MAPRE2: variants seen among roughly 807,000 people sequenced by gnomAD.
MAPRE2 encodes the protein microtubule associated protein RP/EB family member 2, also known as microtubule-associated protein RP/EB family member 2.
Under a neutral mutation model 43.2 loss-of-function variants are expected in MAPRE2, and 13 were observed. That is an observed-to-expected ratio of 0.30 (90% CI 0.20 to 0.48). The LOEUF (loss-of-function observed/expected upper bound fraction) is 0.48. MAPRE2 is among the 20% of genes least tolerant of loss of function. The pLI is 0.99. For synonymous variants in MAPRE2, 135 were observed against 148.8 expected (o/e 0.91, Z 0.68); for missense variants, 161 against 400.2 (o/e 0.40, Z 5.10).
chr18:35,041,283 G>C, upstream of MAPRE2: 1 of 1,375,184 alleles, frequency 7.3e-7, no homozygotes, highest in Non-Finnish European at 9.4e-7. Flanking sequence ...TGCGAATTGA[G>C]GCGAGGTGAT....
intron 1 of MAPRE2, among the ~76,000 whole-genome samples, chr18:35,044,857 G>A (rs1483067396): frequency 6.6e-6 from 1 of 152,192 alleles, no homozygotes; most frequent in Non-Finnish European, 1.5e-5. Flanking sequence ...TTGTTCATAA[G>A]TATGTCAAAT....
At position 35,016,941 on chromosome 18, in the gene MAPRE2, T is replaced by G. The variant is rs538688907; in HGVS notation, c.-8+11388T>G. Among the ~76,000 whole-genome samples the G allele has an allele frequency of 3.3e-5, 5 of 152,202 alleles. No homozygotes were observed. In the East Asian group the frequency reaches 7.7e-4, roughly 23 times the overall value. On this transcript the variant is annotated intron_variant, in intron 2 of 7. Coordinates refer to the MAPRE2 transcript ENST00000413393. ...CTAGGATTCTTACAAAGTCTTCACT[T>G]AAATCTTTAATCCATCTTGAGTTAA...
At chr18:35,125,763 A>G (rs1191357972) in intron 4 of MAPRE2, among the ~76,000 whole-genome samples, 1 of 152,122 alleles carries the variant, frequency 6.6e-6, no homozygotes, top group African/African-American at 2.4e-5. Flanking sequence ...TGTTCTAGGT[A>G]GTGAGAGTCT....
At chr18:35,035,026 G>T (rs1323843442) in intron 2 of MAPRE2, among the ~76,000 whole-genome samples, 4 of 151,850 alleles carry the variant, frequency 2.6e-5, no homozygotes, top group Admixed American at 2.0e-4. Context: ...ATACCCAAAG[G>T]ACTATAAATC....
rs372909058 is a variant in MAPRE2 at position 35,138,857 on chromosome 18, A to C, written c.910-1438A>C. Reference sequence around the variant, plus strand: ...GTCCATGTTGTAACCTTGACATTCTACTTACTGCCTCTCAGAAAATAAGTG... The same window carrying C: ...GTCCATGTTGTAACCTTGACATTCTCCTTACTGCCTCTCAGAAAATAAGTG... On this transcript the variant is annotated intron_variant, in intron 6 of 6. Transcript: ENST00000300249. Among the ~76,000 whole-genome samples, 13 of 152,260 alleles carry C rather than the reference A, an allele frequency of 8.5e-5. 1 individual carries two copies. The highest frequency in any genetic ancestry group is 3.9e-4 in the Admixed American group (6 of 15,298).
At chr18:35,015,925 T>C (rs1261365099) in intron 2 of MAPRE2, among the ~76,000 whole-genome samples, 1 of 151,992 alleles carries the variant, frequency 6.6e-6, no homozygotes, top group Non-Finnish European at 1.5e-5. Context: ...CTAAGAAAAG[T>C]ACCCAATAAT....
intron 1 of MAPRE2, among the ~76,000 whole-genome samples, chr18:35,062,160 G>GC (rs915276102): frequency 6.6e-6 from 1 of 150,682 alleles, no homozygotes; most frequent in African/African-American, 2.5e-5. Context: ...AAAGACGTTT[G>GC]GGGGGATGTC....
intron 1 of MAPRE2, among the ~76,000 whole-genome samples, chr18:35,056,316 A>C (rs1165579025): frequency 6.6e-6 from 1 of 152,174 alleles, no homozygotes; most frequent in Non-Finnish European, 1.5e-5. Flanking sequence ...TATTATGCTT[A>C]TTATTATAAC....
intron 4 of MAPRE2, among the ~76,000 whole-genome samples, chr18:35,112,225 C>T (rs1408050329): frequency 4.0e-5 from 6 of 151,076 alleles, no homozygotes; most frequent in Middle Eastern, 3.4e-3. Context: ...CTGTTATTGC[C>T]CAGGCTGGAG....
At chr18:35,089,946 G>T (rs1263478387) in intron 2 of MAPRE2, among the ~76,000 whole-genome samples, 1 of 152,140 alleles carries the variant, frequency 6.6e-6, no homozygotes, top group African/African-American at 2.4e-5. Flanking sequence ...AATATTATTT[G>T]CTGTAAAGAA....
intron 1 of MAPRE2, 107 bp downstream of exon 1, chr18:35,041,768 C>A: frequency 1.9e-6 from 3 of 1,569,876 alleles, no homozygotes; most frequent in Non-Finnish European, 1.7e-6. Context: ...CTGCTGCAGG[C>A]ATGCATTTGT....
intron 1 of MAPRE2, chr18:35,005,423 T>C: frequency 1.0e-6 from 1 of 991,346 alleles, no homozygotes; most frequent in East Asian, 2.7e-5. Flanking sequence ...AAATTATAAC[T>C]CTTTGCTTCC....
In MAPRE2 at chr18:34,982,032, C is replaced by T. The variant is rs1051329543; in HGVS notation, c.-70+4953C>T. 4.0e-5 allele frequency among the ~76,000 whole-genome samples: 6 copies of T among 151,584 alleles called. No individual in the cohort carries two copies. The South Asian group carries it at 8.3e-4, about 21-fold the overall frequency. ...CCCGAGTAGCTGGGACTACAGCCCC[C>T]GCCACCACACCTGGCTAATTTTATG... On this transcript the variant is annotated intron_variant, in intron 1 of 7. Transcript: ENST00000413393.
chr18:34,991,803 G>T (rs924643903), intron 1 of MAPRE2, among the ~76,000 whole-genome samples: 1 of 152,136 alleles, frequency 6.6e-6, no homozygotes, highest in Non-Finnish European at 1.5e-5. Flanking sequence ...GCAATCTGAC[G>T]CAGGTAAGCC....
upstream of MAPRE2, chr18:35,041,326 C>T: frequency 6.3e-6 from 9 of 1,427,740 alleles, no homozygotes; most frequent in South Asian, 4.4e-5. Context: ...ACAGGCTGGC[C>T]ACGTGACCAG....
At chr18:35,070,833 A>G (rs1448589261) in intron 2 of MAPRE2, among the ~76,000 whole-genome samples, 2 of 152,114 alleles carry the variant, frequency 1.3e-5, no homozygotes, top group African/African-American at 4.8e-5. Context: ...TCCCTTTTGT[A>G]TCCCATAGCT....
rs76850994 is a variant in MAPRE2 at position 35,009,335 on chromosome 18, G to A, written c.-8+3782G>A. Among the ~76,000 whole-genome samples, 941 of 152,194 alleles carry A rather than the reference G, an allele frequency of 6.2e-3. 7 individuals are homozygous for A. Among genetic ancestry groups the A allele is most frequent in the African/African-American group, 0.021 (878 of 41,524 alleles). On this transcript the variant is annotated intron_variant, in intron 2 of 7. Transcript: ENST00000413393. ...GTGCCAAGTTTTATGGTAAAAGCTAGGGATATAGAGGTGACCAAGGCAGAG... is the reference window on the plus strand; with the variant it reads ...GTGCCAAGTTTTATGGTAAAAGCTAAGGATATAGAGGTGACCAAGGCAGAG...
chr18:35,128,244 T>G (rs1293695655), intron 5 of MAPRE2, among the ~76,000 whole-genome samples: 1 of 152,256 alleles, frequency 6.6e-6, no homozygotes, highest in African/African-American at 2.4e-5. Context: ...AATGTTCTAA[T>G]TACCTGCTGA....
chr18:35,012,771 T>C (rs963013095), intron 2 of MAPRE2, among the ~76,000 whole-genome samples: 1 of 152,180 alleles, frequency 6.6e-6, no homozygotes, highest in Non-Finnish European at 1.5e-5. Context: ...TAGTGTTTAA[T>C]AGTTATAGAG....
Sources: allele counts gnomAD v4.1 joint callset (sites outside exome capture counted in the v4.1 genomes callset), GRCh38; gene constraint gnomAD v4.1.1; transcripts MANE v1.5; gene names NCBI Gene and HGNC (gene_info 2026-07-23, HGNC 2026-07-21).